CAMKK1: variants seen among roughly 807,000 people sequenced by gnomAD.
CAMKK1 encodes calcium/calmodulin-dependent protein kinase kinase 1.
CAMKK1 carries 20 observed loss-of-function variants against 63.5 expected under a neutral mutation model. The observed-to-expected ratio is 0.32, with a 90% CI of 0.22 to 0.46. The LOEUF is 0.46. CAMKK1 is among the 20% of genes least tolerant of loss of function. The probability of loss-of-function intolerance (pLI) is 1.00; values close to 1 mark genes in which losing one functional copy is unlikely to be tolerated. For synonymous variants in CAMKK1, 253 were observed against 269.0 expected, an observed-to-expected ratio of 0.94 and a Z score of 0.58; for missense variants, 588 against 658.1, an observed-to-expected ratio of 0.89 and a Z score of 1.17.
intron 10 of CAMKK1, among the ~76,000 whole-genome samples, chr17:3,873,760 G>A (rs1038188008): frequency 1.3e-5 from 2 of 152,064 alleles, no homozygotes; most frequent in African/African-American, 4.8e-5. Flanking sequence ...AGGGTCACAC[G>A]GGCCGCTCCC....
chr17:3,869,714 T>A, intron 13 of CAMKK1, 87 bp downstream of exon 13: 1 of 1,593,012 alleles, frequency 6.3e-7, no homozygotes, highest in Non-Finnish European at 8.6e-7. Context: ...CCAACACACA[T>A]GCATCCTGGT....
chr17:3,869,204 G>T (rs191813916), intron 14 of CAMKK1, among the ~76,000 whole-genome samples: 1 of 151,992 alleles, frequency 6.6e-6, no homozygotes, highest in Admixed American at 6.6e-5. Flanking sequence ...TGATCTGCCC[G>T]CCTTGGCCTC....
chr17:3,882,132 C>T lies in CAMKK1; in HGVS notation c.685+396G>A. The T allele has an allele frequency of 3.1e-6, 2 of 639,750 alleles. No homozygotes were observed. Among genetic ancestry groups the T allele is most frequent in the Non-Finnish European group, 5.6e-6 (2 of 360,102 alleles). 39.6% of individuals were successfully genotyped at this position (639,750 alleles called of 1,614,324 possible). Reference sequence around the variant, plus strand: ...AACGAATGTGCTTTACATATAATTACTCATTTACTCTTCACAGGAACCCTA... The same window carrying T: ...AACGAATGTGCTTTACATATAATTATTCATTTACTCTTCACAGGAACCCTA... On this transcript the variant is annotated intron_variant, in intron 7 of 15. Transcript: ENST00000348335. The surrounding 1 kb of genome is among the most constrained non-coding windows in gnomAD (Gnocchi z 4.3).
At position 3,882,932 on chromosome 17, in the gene CAMKK1, T is replaced by C. The variant is rs987828308; in HGVS notation, c.648+110A>G. The C allele has an allele frequency of 7.7e-6, 11 of 1,433,138 alleles. No individual in the cohort carries two copies. The Admixed American group carries it at 8.0e-5, about 10-fold the overall frequency. 88.8% of individuals were successfully genotyped at this position (1,433,138 alleles called of 1,614,324 possible). ...CCTGTCCTCAGAGGCCTCAGCCACA[T>C]CTGCCACCTGGGCAAGATCCCTGGG... On this transcript the variant is annotated intron_variant, in intron 6 of 15. Coordinates refer to ENST00000348335, the MANE Select transcript of CAMKK1 (RefSeq NM_032294.3). This position sits in a 1 kb window ranked among gnomAD's most constrained non-coding sequence, Gnocchi z 4.3.
chr17:3,872,730 C>G (rs1597459502), intron 11 of CAMKK1, 103 bp from the exon 12 acceptor site: 1 of 881,404 alleles, frequency 1.1e-6, no homozygotes, highest in Non-Finnish European at 1.9e-6. Context: ...GGGGGCAGGT[C>G]TGGGCTCCCA....
At chr17:3,876,521 C>G in intron 9 of CAMKK1, 99 bp from the exon 10 acceptor site, 1 of 1,025,418 alleles carries the variant, frequency 9.8e-7, no homozygotes, top group Admixed American at 1.9e-5. Flanking sequence ...GCCGGGACAT[C>G]CCAGCCCATG....
Position 3,861,000 on chromosome 17 carries a change from A to T in CAMKK1, c.*1211T>A, listed in dbSNP as rs892208862. 1.3e-5 allele frequency: 2 copies of T among 152,218 alleles called. No individual in the cohort carries two copies. Among genetic ancestry groups the T allele is most frequent in the African/African-American group, 4.8e-5 (2 of 41,450 alleles). 9.4% of individuals were successfully genotyped at this position (152,218 alleles called of 1,614,324 possible). On this transcript the variant is annotated 3_prime_UTR_variant, in exon 16 of 16. Transcript: ENST00000348335. The stretch of plus-strand genomic sequence containing the variant: ...AACCTCTATGAGCATTCGGTCAGCA[A>T]ATGCCACGTCGGCCAGCCGGACACT...
chr17:3,888,182 C>G (rs551973185), intron 1 of CAMKK1, among the ~76,000 whole-genome samples: 2 of 152,286 alleles, frequency 1.3e-5, no homozygotes, highest in Admixed American at 1.3e-4. Flanking sequence ...GGACTCAGAG[C>G]CGCCACAGGC....
chr17:3,873,953 C>T (rs1356313267), intron 10 of CAMKK1, among the ~76,000 whole-genome samples: 1 of 152,190 alleles, frequency 6.6e-6, no homozygotes, highest in Non-Finnish European at 1.5e-5. Flanking sequence ...TGCAACAACT[C>T]CTCTGGGCTC....
intron 7 of CAMKK1, chr17:3,881,891 T>A: frequency 3.6e-6 from 2 of 552,988 alleles, no homozygotes; most frequent in Non-Finnish European, 6.4e-6. Flanking sequence ...TGGGGCCCTT[T>A]TACAGAGGGG....
At chr17:3,888,096 T>C (rs915401559) in intron 1 of CAMKK1, among the ~76,000 whole-genome samples, 40 of 152,164 alleles carry the variant, frequency 2.6e-4, no homozygotes, top group South Asian at 2.1e-3. Flanking sequence ...CCAGCAAGCC[T>C]CAGGCCCCAG....
At chr17:3,874,763 C>G (rs1597463457) in intron 10 of CAMKK1, among the ~76,000 whole-genome samples, 1 of 151,946 alleles carries the variant, frequency 6.6e-6, no homozygotes, top group Non-Finnish European at 1.5e-5. Flanking sequence ...CCTACCTTGG[C>G]CTCCCAAAGG....
chr17:3,882,140 C>T lies in CAMKK1; in HGVS notation c.685+388G>A. 1 of 671,000 alleles carries T rather than the reference C, an allele frequency of 1.5e-6. No homozygotes were observed. Among genetic ancestry groups the T allele is most frequent in the Admixed American group, 2.7e-5 (1 of 36,872 alleles). 41.6% of individuals were successfully genotyped at this position (671,000 alleles called of 1,614,324 possible). Reference sequence around the variant, plus strand: ...TGCTTTACATATAATTACTCATTTACTCTTCACAGGAACCCTATGAGGTAG... The same window carrying T: ...TGCTTTACATATAATTACTCATTTATTCTTCACAGGAACCCTATGAGGTAG... On this transcript the variant is annotated intron_variant, in intron 7 of 15. Coordinates refer to ENST00000348335, the MANE Select transcript of CAMKK1 (RefSeq NM_032294.3). The surrounding 1 kb of genome is among the most constrained non-coding windows in gnomAD (Gnocchi z 4.3).
rs2054375806 is a variant in CAMKK1 at position 3,862,833 on chromosome 17, C to T, written c.1446-550G>A. On this transcript the variant is annotated intron_variant, in intron 15 of 15. Transcript: ENST00000348335. The surrounding 1 kb of genome is among the most constrained non-coding windows in gnomAD (Gnocchi z 4.1). ...TTTTATCTCTATAAAAACAGGGTTT[C>T]ACCATGTTGCCCAGGCTGGTCTCAA... 6.6e-6 allele frequency among the ~76,000 whole-genome samples: 1 copy of T among 152,048 alleles called. No homozygotes were observed. The highest frequency in any genetic ancestry group is 1.5e-5 in the Non-Finnish European group (1 of 68,016).
intron 15 of CAMKK1, chr17:3,865,384 C>A: frequency 1.0e-6 from 1 of 991,536 alleles, no homozygotes; most frequent in Non-Finnish European, 1.2e-6. Context: ...GCTGACTGGG[C>A]ACAGAGCCCC....
rs945213381 is a variant in CAMKK1 at position 3,890,628 on chromosome 17, G to A, written c.-44+2311C>T. 2.6e-5 allele frequency: 20 copies of A among 779,382 alleles called. No homozygotes were observed. Among genetic ancestry groups the A allele is most frequent in the African/African-American group, 2.5e-4 (15 of 59,112 alleles). The allele number at this position is 779,382 out of a possible 1,614,324, so 48.3% of individuals were successfully genotyped here. ...TTCCTGACCCAGGTCAGCAATCCGG[G>A]AGCCCTCCTTGTCACTCGTCCTTTC... On this transcript the variant is annotated intron_variant, in intron 1 of 15. Coordinates refer to ENST00000348335, the MANE Select transcript of CAMKK1 (RefSeq NM_032294.3). The surrounding 1 kb of genome is among the most constrained non-coding windows in gnomAD (Gnocchi z 6.5).
At position 3,883,514 on chromosome 17, in the gene CAMKK1, G is replaced by A; in HGVS notation, c.463-34C>T. ...GGAGGGACAGAAATGTCACTACTGT[G>A]CAGCCACCAGGGGCTAGAACAGGCT... On this transcript the variant is annotated intron_variant, in intron 4 of 15. Coordinates refer to ENST00000348335, the MANE Select transcript of CAMKK1 (RefSeq NM_032294.3). This position sits in a 1 kb window ranked among gnomAD's most constrained non-coding sequence, Gnocchi z 4.7. The A allele has an allele frequency of 6.4e-7, 1 of 1,552,906 alleles. No homozygotes were observed. Among genetic ancestry groups the A allele is most frequent in the South Asian group, 1.1e-5 (1 of 89,930 alleles).
chr17:3,869,923 C>A (rs1468659344), intron 12 of CAMKK1, 35 bp from the exon 13 acceptor site: 3 of 1,556,450 alleles, frequency 1.9e-6, no homozygotes, highest in Non-Finnish European at 2.7e-6. Flanking sequence ...GAGGGTGGGA[C>A]CGCTGATGAG....
intron 14 of CAMKK1, among the ~76,000 whole-genome samples, chr17:3,867,097 T>C (rs936334688): frequency 1.3e-5 from 2 of 152,012 alleles, no homozygotes; most frequent in African/African-American, 2.4e-5. Context: ...TGTATGTCAG[T>C]AAGTGGAAAG....
Sources: allele counts gnomAD v4.1 joint callset (sites outside exome capture counted in the v4.1 genomes callset), GRCh38; gene constraint gnomAD v4.1.1; non-coding constraint Gnocchi (gnomAD v3.1); transcripts MANE v1.5; gene names NCBI Gene and HGNC (gene_info 2026-07-23, HGNC 2026-07-21).